DNM3: variants seen among roughly 807,000 people sequenced by gnomAD.
DNM3 encodes the protein dynamin-3.
In DNM3, 47 loss-of-function variants were observed where a neutral mutation model predicts 101.6. That is an observed-to-expected ratio of 0.46 (90% CI 0.37 to 0.59). DNM3 has a LOEUF of 0.59. Ranked by LOEUF, DNM3 falls within the 20% of genes least tolerant of loss-of-function variation. DNM3 has a pLI of 0.00. For missense variants in DNM3, 849 were observed against 1,085.7 expected (o/e 0.78, Z 3.06); for synonymous variants, 385 against 387.9 (o/e 0.99, Z 0.09).
At chr1:172,057,859 G>A (rs2050777839) in intron 10 of DNM3, among the ~76,000 whole-genome samples, 1 of 143,142 alleles carries the variant, frequency 7.0e-6, no homozygotes, top group African/African-American at 2.7e-5. Flanking sequence ...AACTTTAAAT[G>A]TAAATGGACT....
At chr1:172,093,803 T>C in intron 13 of DNM3, 1 of 1,400,246 alleles carries the variant, frequency 7.1e-7, no homozygotes, top group East Asian at 2.3e-5. Context: ...TTTAACTGAT[T>C]AACTCAACTA....
intron 17 of DNM3, among the ~76,000 whole-genome samples, chr1:172,371,586 C>T (rs1240489203): frequency 6.6e-6 from 1 of 151,830 alleles, no homozygotes; most frequent in Non-Finnish European, 1.5e-5. Context: ...TCACACCTGC[C>T]CTGTCCTATA....
chr1:171,867,010 G>T (rs1168512692), intron 1 of DNM3, among the ~76,000 whole-genome samples: 1 of 152,222 alleles, frequency 6.6e-6, no homozygotes, highest in Non-Finnish European at 1.5e-5. Flanking sequence ...GTGCACCTAA[G>T]GTTCCAACAA....
In DNM3 at chr1:172,008,508, G is replaced by A. The variant is rs577297537; in HGVS notation, c.589+19360G>A. On this transcript the variant is annotated intron_variant, in intron 4 of 20. Coordinates refer to ENST00000627582, the MANE Select transcript of DNM3 (RefSeq NM_015569.5). ...TTGTGCCTTCGTCAAAAATCAGTTG[G>A]CTGTGCGTGGATTTATTTCTGTGTT... Among the ~76,000 whole-genome samples the A allele has an allele frequency of 2.6e-5, 4 of 151,216 alleles. No individual in the cohort carries two copies. The South Asian group carries it at 8.3e-4, about 32-fold the overall frequency.
intron 17 of DNM3, chr1:172,370,059 A>G (rs907936890): frequency 1.3e-5 from 2 of 151,924 alleles, no homozygotes; most frequent in African/African-American, 4.8e-5. Flanking sequence ...ATCTCTCAAT[A>G]TAGTCACATT....
intron 12 of DNM3, among the ~76,000 whole-genome samples, chr1:172,082,564 C>T (rs1210619361): frequency 6.6e-6 from 1 of 151,954 alleles, no homozygotes; most frequent in Non-Finnish European, 1.5e-5. Context: ...TTGATATCAC[C>T]TCTAAAATAT....
Position 171,871,331 on chromosome 1 carries a change from A to G in DNM3, c.161+29514A>G, listed in dbSNP as rs575202220. On this transcript the variant is annotated intron_variant, in intron 1 of 20. Coordinates refer to ENST00000627582, the MANE Select transcript of DNM3 (RefSeq NM_015569.5). ...TAAACAATTCTTTATAAAGTTCCCA[A>G]CAAAACAAAGTATAGTCTTCTCTCA... 1.1e-4 allele frequency among the ~76,000 whole-genome samples: 16 copies of G among 152,330 alleles called. No individual in the cohort carries two copies. The South Asian group carries it at 1.5e-3, about 14-fold the overall frequency.
intron 10 of DNM3, among the ~76,000 whole-genome samples, chr1:172,066,386 A>G (rs954807210): frequency 6.6e-6 from 1 of 152,194 alleles, no homozygotes; most frequent in Non-Finnish European, 1.5e-5. Flanking sequence ...GCCTCTGGTA[A>G]GGGCCTTCTT....
chr1:172,226,907 T>A (rs1485496930), intron 14 of DNM3, among the ~76,000 whole-genome samples: 2 of 152,118 alleles, frequency 1.3e-5, no homozygotes, highest in South Asian at 2.1e-4. Flanking sequence ...TTAAATTTTT[T>A]AATTTTTTTA....
chr1:172,262,737 C>T (rs912285125), intron 15 of DNM3, among the ~76,000 whole-genome samples: 2 of 152,166 alleles, frequency 1.3e-5, no homozygotes, highest in East Asian at 3.9e-4. Flanking sequence ...TCTAGGCAGC[C>T]ATCTTGAAGC....
chr1:172,025,639 C>T (rs755813676), intron 4 of DNM3, among the ~76,000 whole-genome samples: 2 of 152,166 alleles, frequency 1.3e-5, no homozygotes, highest in Non-Finnish European at 2.9e-5. Context: ...CTGCAGCCTC[C>T]GCTGGTGATA....
At chr1:172,082,236 G>A (rs943120068) in intron 12 of DNM3, among the ~76,000 whole-genome samples, 2 of 151,644 alleles carry the variant, frequency 1.3e-5, no homozygotes, top group African/African-American at 4.8e-5. Context: ...ATTTTGAGGG[G>A]AACAGTTTTT....
intron 2 of DNM3, among the ~76,000 whole-genome samples, chr1:171,963,045 A>G (rs866540563): frequency 6.6e-6 from 1 of 152,128 alleles, no homozygotes; most frequent in Non-Finnish European, 1.5e-5. Context: ...CATTTACTCA[A>G]GTGCGATGAA....
intron 15 of DNM3, chr1:172,290,043 T>C (rs2063843480): frequency 1.1e-6 from 1 of 919,546 alleles, no homozygotes; most frequent in South Asian, 5.0e-5. Context: ...TGTCATTAAT[T>C]TATTGTCAAT....
chr1:171,943,757 G>A (rs1364514770), intron 2 of DNM3, among the ~76,000 whole-genome samples: 2 of 152,132 alleles, frequency 1.3e-5, no homozygotes, highest in African/African-American at 4.8e-5. Flanking sequence ...CATGTTTTCA[G>A]GATCTCCTGA....
chr1:172,416,654 A>G (rs1279369959), downstream of DNM3, among the ~76,000 whole-genome samples: 1 of 152,186 alleles, frequency 6.6e-6, no homozygotes, highest in African/African-American at 2.4e-5. Context: ...GTTCAGTTTA[A>G]TGGCCCACCT....
intron 13 of DNM3, among the ~76,000 whole-genome samples, chr1:172,099,142 A>G (rs1319479994): frequency 6.6e-6 from 1 of 152,242 alleles, no homozygotes; most frequent in Non-Finnish European, 1.5e-5. Flanking sequence ...AGGTTGAGGT[A>G]AAGGACTGTG....
chr1:172,272,667 C>A (rs533676125), intron 15 of DNM3, among the ~76,000 whole-genome samples: 2 of 152,262 alleles, frequency 1.3e-5, no homozygotes, highest in Non-Finnish European at 2.9e-5. Context: ...ATTCTTTAGA[C>A]TTGTCCATTT....
chr1:172,211,205 G>A (rs1029777854), intron 14 of DNM3, among the ~76,000 whole-genome samples: 7 of 151,924 alleles, frequency 4.6e-5, no homozygotes, highest in African/African-American at 1.5e-4. Context: ...ACTAATTAAG[G>A]CTTCAGAAAA....
Sources: gnomAD v4.1 joint callset for allele counts (sites outside exome capture counted in the v4.1 genomes callset) on GRCh38, gnomAD v4.1.1 for gene constraint, MANE v1.5 for transcripts, NCBI Gene and HGNC (gene_info 2026-07-23, HGNC 2026-07-21) for gene names.